CCNJL: variants seen among roughly 807,000 people sequenced by gnomAD.
The protein encoded by CCNJL is cyclin J like.
Under a neutral mutation model 33.4 loss-of-function variants are expected in CCNJL, and 33 were observed. The ratio of observed to expected loss-of-function variants is 0.99; its 90% CI spans 0.75 to 1.32. The LOEUF is 1.32. Among genes scored for constraint, CCNJL ranks in the 40% most tolerant of loss-of-function variants. The probability of loss-of-function intolerance (pLI) is 0.00; values close to 1 mark genes in which losing one functional copy is unlikely to be tolerated. For missense variants in CCNJL, 512 were observed against 499.7 expected (o/e 1.02, Z -0.23); for synonymous variants, 227 against 220.9 (o/e 1.03, Z -0.24).
chr5:160,261,207 A>T (rs1229712330), intron 3 of CCNJL: 2 of 152,110 alleles, frequency 1.3e-5, no homozygotes, highest in Non-Finnish European at 2.9e-5. Flanking sequence ...GGCTCAAAAG[A>T]CGTCACTGCA....
intron 3 of CCNJL, among the ~76,000 whole-genome samples, chr5:160,263,467 A>G (rs375596080): frequency 6.6e-6 from 1 of 152,186 alleles, no homozygotes; most frequent in African/African-American, 2.4e-5. Flanking sequence ...TTTGCTTTTC[A>G]TGACACTGAC....
rs1763296154 is a variant in CCNJL, at chr5:160,312,363, C to T, written c.-50+1G>A. The T allele has an allele frequency of 5.5e-6, 1 of 180,348 alleles. No individual in the cohort carries two copies. 11.2% of individuals were successfully genotyped at this position (180,348 alleles called of 1,614,324 possible). ...TGCCCTCGAGCCGGGGCGAAACTCA[C>T]GCATCCTCTCTGGGCGTGGGGGGCT... On this transcript the variant is annotated splice_donor_variant, in intron 1 of 5. Transcript: ENST00000257536. LOFTEE classifies it low-confidence loss of function (5UTR_SPLICE).
Position 160,253,764 on chromosome 5 carries a change from C to T in CCNJL, c.778G>A (p.Val260Ile), listed in dbSNP as rs149766851. The T allele has an allele frequency of 1.2e-3, 1,860 of 1,531,426 alleles. 20 individuals are homozygous for T. The African/African-American group carries it at 0.023, about 19-fold the overall frequency. The allele number at this position is 1,531,426 out of a possible 1,614,324, so 94.9% of individuals were successfully genotyped here. The change falls in exon 6 of 6, where the codon GTC (valine) becomes ATC (isoleucine). Residue 260 changes from valine to isoleucine, a missense_variant. Transcript: ENST00000257536. ...YDNVLKDAVA[V>I]KSQALAMVPG... ...ACCATTGCCAAGGCCTGGCTCTTGA[C>T]GGCTACGGCATCCTTGAGGACGTTG...
chr5:160,324,366 A>C (rs1581021120), intron 1 of CCNJL, among the ~76,000 whole-genome samples: 1 of 152,294 alleles, frequency 6.6e-6, no homozygotes, highest in South Asian at 2.1e-4. Flanking sequence ...TGAGGTCAGG[A>C]GTTCTAGACC....
chr5:160,283,006 T>TATATAC (rs1762286577), intron 2 of CCNJL, among the ~76,000 whole-genome samples: 1 of 57,502 alleles, frequency 1.7e-5, no homozygotes, highest in Non-Finnish European at 3.1e-5. Context: ...TATATATATA[T>TATATAC]ATACATATAT....
chr5:160,326,694 T>C lies in CCNJL; in HGVS notation n.207-11189A>G, dbSNP rs73819822. ...GTGTGCTCTTTGTGAAATTCCACCA[T>C]GGCATACCATGGCCAGGGCCAGAAA... On this transcript the variant is annotated intron_variant and non_coding_transcript_variant, in intron 1 of 7. Coordinates refer to the CCNJL transcript ENST00000377503. 7,518 of 893,818 alleles carry C rather than the reference T, an allele frequency of 8.4e-3. 373 individuals carry two copies. The African/African-American group carries it at 0.11, about 13-fold the overall frequency. The allele number at this position is 893,818 out of a possible 1,614,324, so 55.4% of individuals were successfully genotyped here. A position where few individuals can be genotyped will look rare whatever the true frequency, so the allele number is the denominator to read the frequency against.
intron 5 of CCNJL, 68 bp from the exon 6 acceptor site, chr5:160,253,866 C>A: frequency 1.6e-6 from 2 of 1,287,620 alleles, no homozygotes; most frequent in Admixed American, 2.4e-5. Flanking sequence ...GTGTCTCTAC[C>A]TGTCTTGCTA....
chr5:160,282,966 A>AATATATATATATATATAT (rs70990720), intron 2 of CCNJL, among the ~76,000 whole-genome samples: 26 of 43,370 alleles, frequency 6.0e-4, no homozygotes, highest in Admixed American at 1.2e-3. Context: ...CAGTCCTTGG[A>AATATATATATATATATAT]ATATATATAT....
intron 1 of CCNJL, among the ~76,000 whole-genome samples, chr5:160,333,451 C>T (rs918800143): frequency 1.3e-5 from 2 of 151,906 alleles, no homozygotes; most frequent in African/African-American, 4.8e-5. Flanking sequence ...AGTAGCCAGG[C>T]ATGGCAGTGT....
At chr5:160,321,644 ATAT>A (rs1763466734) in intron 1 of CCNJL, among the ~76,000 whole-genome samples, 1 of 152,174 alleles carries the variant, frequency 6.6e-6, no homozygotes, top group Admixed American at 6.5e-5. Context: ...CACGATTAAA[ATAT>A]TATTAAGATC....
At chr5:160,320,984 CTCTT>C (rs1160116772) in intron 1 of CCNJL, among the ~76,000 whole-genome samples, 2 of 116,262 alleles carry the variant, frequency 1.7e-5, no homozygotes, top group African/African-American at 7.3e-5. Flanking sequence ...CTCCCTCTCT[CTCTT>C]TCTTTCTTTC....
At chr5:160,311,700 C>T (rs754626137) in intron 2 of CCNJL, among the ~76,000 whole-genome samples, 158 bp downstream of exon 2, 2 of 152,148 alleles carry the variant, frequency 1.3e-5, no homozygotes, top group Admixed American at 6.6e-5. Flanking sequence ...CCCCGCCCCC[C>T]AATTCCGCTC....
At chr5:160,317,480 G>A (rs1290639829), upstream of CCNJL, among the ~76,000 whole-genome samples, 10 of 152,200 alleles carry the variant, frequency 6.6e-5, no homozygotes, top group African/African-American at 2.4e-4. Context: ...AGGGAGCAGA[G>A]GAGACACATG....
chr5:160,327,120 T>TA (rs368393743), intron 1 of CCNJL, among the ~76,000 whole-genome samples: 45 of 143,836 alleles, frequency 3.1e-4, no homozygotes, highest in Admixed American at 4.9e-4. Flanking sequence ...TGTTTGTATT[T>TA]AAAAAAAAAA....
chr5:160,257,330 C>T (rs2113221983), intron 4 of CCNJL, among the ~76,000 whole-genome samples: 1 of 151,970 alleles, frequency 6.6e-6, no homozygotes, highest in African/African-American at 2.4e-5. Context: ...AAAAAATTAG[C>T]CAGGCGTGGT....
chr5:160,263,891 T>C (rs1761454608), intron 3 of CCNJL, among the ~76,000 whole-genome samples: 1 of 152,090 alleles, frequency 6.6e-6, no homozygotes, highest in Non-Finnish European at 1.5e-5. Context: ...TACATTTTTC[T>C]TTTTGATGTT....
chr5:160,275,647 G>A (rs1286970109), intron 3 of CCNJL, among the ~76,000 whole-genome samples: 1 of 152,118 alleles, frequency 6.6e-6, no homozygotes, highest in Non-Finnish European at 1.5e-5. Context: ...ACCACACCTG[G>A]CTAAATGCTT....
At position 160,251,831 on chromosome 5, in the gene CCNJL, A is replaced by G. The variant is rs1760816933; in HGVS notation, c.*1547T>C. ...GGCAAAGGAAAAAAAAACAACAACA[A>G]ATGAACGTGCAGCCTCCTATGCTAG... On this transcript the variant is annotated 3_prime_UTR_variant, in exon 6 of 6. Transcript: ENST00000257536. 6.6e-6 allele frequency: 1 copy of G among 152,130 alleles called. No individual in the cohort carries two copies. The highest frequency in any genetic ancestry group is 1.5e-5 in the Non-Finnish European group (1 of 68,030). 9.4% of individuals were successfully genotyped at this position (152,130 alleles called of 1,614,324 possible). A position where few individuals can be genotyped will look rare whatever the true frequency, so the allele number is the denominator to read the frequency against.
intron 1 of CCNJL, among the ~76,000 whole-genome samples, chr5:160,318,188 T>G (rs187925405): frequency 6.6e-6 from 1 of 152,304 alleles, no homozygotes; most frequent in Non-Finnish European, 1.5e-5. Context: ...GGCTAATTTT[T>G]GTATTTTTAG....
Sources: gnomAD v4.1 joint callset for allele counts (sites outside exome capture counted in the v4.1 genomes callset) on GRCh38, gnomAD v4.1.1 for gene constraint, MANE v1.5 for transcripts, NCBI Gene and HGNC (gene_info 2026-07-23, HGNC 2026-07-21) for gene names.